DPYD: variants seen among roughly 807,000 people sequenced by gnomAD.
The protein encoded by DPYD is dihydropyrimidine dehydrogenase.
In DPYD, 109 loss-of-function variants were observed where a neutral mutation model predicts 116.2. That is an observed-to-expected ratio of 0.94 (90% CI 0.80 to 1.10). The LOEUF (loss-of-function observed/expected upper bound fraction) is 1.10. DPYD is among the 50% of genes least tolerant of loss of function. The pLI is 0.00. For synonymous variants in DPYD, 440 were observed against 432.0 expected (o/e 1.02, Z -0.23); for missense variants, 1,302 against 1,254.5 (o/e 1.04, Z -0.57).
At chr1:97,391,125 C>T (rs1194881016) in intron 14 of DPYD, among the ~76,000 whole-genome samples, 3 of 150,106 alleles carry the variant, frequency 2.0e-5, no homozygotes, top group Non-Finnish European at 3.0e-5. Context: ...AGTCCACTCA[C>T]AGTCCTCTTT....
intron 20 of DPYD, among the ~76,000 whole-genome samples, chr1:97,101,947 T>C (rs756364388): frequency 1.1e-4 from 17 of 151,988 alleles, no homozygotes; most frequent in Non-Finnish European, 1.5e-4. Flanking sequence ...CATTTAAAGA[T>C]AACAGTATCT....
At chr1:97,167,327 A>G (rs1273482343) in intron 20 of DPYD, among the ~76,000 whole-genome samples, 1 of 152,028 alleles carries the variant, frequency 6.6e-6, no homozygotes, top group Admixed American at 6.6e-5. Context: ...AGCACATATC[A>G]CTCCTTTTCC....
intron 5 of DPYD, 56 bp from the exon 6 acceptor site, chr1:97,699,603 A>C: frequency 1.3e-6 from 2 of 1,525,854 alleles, no homozygotes; most frequent in South Asian, 2.3e-5. Flanking sequence ...ACATCCTCAA[A>C]CATATTTTTA....
chr1:97,245,999 G>A (rs1355278400), intron 18 of DPYD, among the ~76,000 whole-genome samples: 1 of 152,086 alleles, frequency 6.6e-6, no homozygotes, highest in Non-Finnish European at 1.5e-5. Flanking sequence ...TACAGCAGTT[G>A]ATGGCGTTTT....
chr1:97,761,584 A>C (rs1391015964), intron 3 of DPYD, among the ~76,000 whole-genome samples: 1 of 152,116 alleles, frequency 6.6e-6, no homozygotes, highest in Non-Finnish European at 1.5e-5. Context: ...TGGGAGTGTA[A>C]ATTGTTCCAA....
At chr1:97,211,775 T>C (rs1443263456) in intron 19 of DPYD, among the ~76,000 whole-genome samples, 2 of 152,122 alleles carry the variant, frequency 1.3e-5, no homozygotes, top group Non-Finnish European at 2.9e-5. Flanking sequence ...TAGGCAGACT[T>C]ATTTAAACGT....
intron 18 of DPYD, among the ~76,000 whole-genome samples, chr1:97,241,795 T>C (rs542186217): frequency 1.3e-5 from 2 of 151,910 alleles, no homozygotes; most frequent in African/African-American, 4.8e-5. Context: ...TTGGATGTAT[T>C]AGATGATACA....
intron 21 of DPYD, among the ~76,000 whole-genome samples, chr1:97,088,817 C>A (rs752433691): frequency 9.2e-5 from 14 of 152,106 alleles, no homozygotes; most frequent in Non-Finnish European, 1.9e-4. Context: ...ACCAAATTCT[C>A]TTCAGTTTTT....
At chr1:97,628,507 C>T (rs1185111562) in intron 8 of DPYD, among the ~76,000 whole-genome samples, 1 of 152,012 alleles carries the variant, frequency 6.6e-6, no homozygotes, top group East Asian at 1.9e-4. Context: ...GTTTTAGGTC[C>T]TGCCATCAAG....
chr1:97,738,338 G>A (rs1664077978), intron 4 of DPYD, among the ~76,000 whole-genome samples: 2 of 152,048 alleles, frequency 1.3e-5, no homozygotes, highest in Admixed American at 1.3e-4. Flanking sequence ...GACTGAGGGG[G>A]GACAATAGAA....
chr1:97,632,108 A>G (rs1657299281), intron 8 of DPYD, among the ~76,000 whole-genome samples: 1 of 152,082 alleles, frequency 6.6e-6, no homozygotes, highest in African/African-American at 2.4e-5. Flanking sequence ...TTTTCCCCCC[A>G]GCATATCAAG....
chr1:97,399,662 A>G (rs990850421), intron 14 of DPYD, among the ~76,000 whole-genome samples: 1 of 152,248 alleles, frequency 6.6e-6, no homozygotes, highest in South Asian at 2.1e-4. Context: ...GAGGTCCTTC[A>G]CATCCCTTGT....
intron 14 of DPYD, among the ~76,000 whole-genome samples, chr1:97,446,942 C>T (rs1423859676): frequency 1.3e-5 from 2 of 151,976 alleles, no homozygotes; most frequent in South Asian, 2.1e-4. Flanking sequence ...ATTTAATTCA[C>T]AGATAAATAA....
At chr1:97,809,448 T>C (rs1035768952) in intron 3 of DPYD, among the ~76,000 whole-genome samples, 1 of 152,208 alleles carries the variant, frequency 6.6e-6, no homozygotes, top group South Asian at 2.1e-4. Flanking sequence ...TTACGGTGGC[T>C]TGGACTGAAG....
chr1:97,758,374 A>T (rs1182904335), intron 3 of DPYD, among the ~76,000 whole-genome samples: 1 of 145,642 alleles, frequency 6.9e-6, no homozygotes, highest in African/African-American at 2.5e-5. Context: ...AAAAAAAAAA[A>T]CAGTTTCATT....
chr1:97,250,709 A>C (rs1663030111), intron 18 of DPYD, among the ~76,000 whole-genome samples: 1 of 152,200 alleles, frequency 6.6e-6, no homozygotes, highest in Non-Finnish European at 1.5e-5. Flanking sequence ...AATATTATTT[A>C]GTTTATATGA....
At chr1:97,197,719 T>G (rs2101836226) in intron 19 of DPYD, among the ~76,000 whole-genome samples, 1 of 152,202 alleles carries the variant, frequency 6.6e-6, no homozygotes, top group Admixed American at 6.5e-5. Context: ...CTAAGAAAAC[T>G]TCCTCTTTCC....
chr1:97,424,778 T>C (rs1440909654), intron 14 of DPYD, among the ~76,000 whole-genome samples: 1 of 152,024 alleles, frequency 6.6e-6, no homozygotes, highest in Non-Finnish European at 1.5e-5. Flanking sequence ...AAAAATCCTT[T>C]TCTGAATGCT....
chr1:97,380,289 T>C (rs1671876730), intron 15 of DPYD, among the ~76,000 whole-genome samples: 1 of 152,138 alleles, frequency 6.6e-6, no homozygotes, highest in African/African-American at 2.4e-5. Context: ...TTGCATAGAA[T>C]TGGAGTAGAC....
Sources: gnomAD v4.1 joint callset for allele counts (sites outside exome capture counted in the v4.1 genomes callset) on GRCh38, gnomAD v4.1.1 for gene constraint, MANE v1.5 for transcripts, NCBI Gene and HGNC (gene_info 2026-07-23, HGNC 2026-07-21) for gene names.